PODXL: variants seen among roughly 807,000 people sequenced by gnomAD.
PODXL encodes the protein podocalyxin like.
PODXL carries 20 observed loss-of-function variants against 48.9 expected under a neutral mutation model. The ratio of observed to expected loss-of-function variants is 0.41; its 90% CI spans 0.29 to 0.59. The LOEUF (loss-of-function observed/expected upper bound fraction) is 0.59, where lower values mean the gene tolerates loss of function less well. PODXL is among the 20% of genes least tolerant of loss of function. PODXL has a pLI of 0.31. For synonymous variants in PODXL, 295 were observed against 287.4 expected, an observed-to-expected ratio of 1.03 and a Z score of -0.27; for missense variants, 606 against 675.1, an observed-to-expected ratio of 0.90 and a Z score of 1.13.
At chr7:131,515,378 G>C (rs1479941263) in intron 1 of PODXL, among the ~76,000 whole-genome samples, 1 of 152,066 alleles carries the variant, frequency 6.6e-6, no homozygotes, top group Non-Finnish European at 1.5e-5. Context: ...AAGCTCACCA[G>C]GTCTCTTATG....
chr7:131,530,253 C>T (rs1254229439), intron 1 of PODXL, among the ~76,000 whole-genome samples: 1 of 150,922 alleles, frequency 6.6e-6, no homozygotes, highest in Non-Finnish European at 1.5e-5. Context: ...GACAGCGAGG[C>T]AGGGTGGCAT....
intron 1 of PODXL, among the ~76,000 whole-genome samples, chr7:131,519,543 T>A (rs1347836490): frequency 6.6e-6 from 1 of 151,784 alleles, no homozygotes; most frequent in Non-Finnish European, 1.5e-5. Flanking sequence ...TCAAAAATTG[T>A]TTTTTTTAAA....
rs1176361542 is a variant in PODXL at position 131,504,325 on chromosome 7, C to A, written c.1663G>T (p.Asp555Tyr). 1 of 1,614,142 alleles carries A rather than the reference C, an allele frequency of 6.2e-7. No homozygotes were observed. Among genetic ancestry groups the A allele is most frequent in the South Asian group, 1.1e-5 (1 of 91,080 alleles). Residue 555 changes from aspartate to tyrosine, a missense_variant, in exon 9 of 9, where the codon GAC becomes TAC. Coordinates refer to ENST00000378555, the MANE Select transcript of PODXL (RefSeq NM_001018111.3). ...LTKDDLDEEE[D>Y]THL Reference sequence around the variant, plus strand: ...GGCAGACCGGACTAGAGGTGTGTGTCTTCCTCCTCATCCAGGTCGTCCTTG... The same window carrying A: ...GGCAGACCGGACTAGAGGTGTGTGTATTCCTCCTCATCCAGGTCGTCCTTG...
chr7:131,504,603 C>T (rs1229638917), intron 8 of PODXL, 95 bp from the exon 9 acceptor site: 5 of 1,041,932 alleles, frequency 4.8e-6, no homozygotes, highest in Non-Finnish European at 7.3e-6. Flanking sequence ...AGGAGCCCCA[C>T]TGTAGCTAAA....
chr7:131,505,857 C>G lies in PODXL; in HGVS notation c.1479+11G>C, dbSNP rs1797788699. The G allele has an allele frequency of 6.4e-7, 1 of 1,552,082 alleles. No homozygotes were observed. The highest frequency in any genetic ancestry group is 1.2e-5 in the South Asian group (1 of 84,060). On this transcript the variant is annotated intron_variant, in intron 8 of 8. Transcript: ENST00000378555. ...GCTGCTTCCCCTGTGTGGCTGCAAA[C>G]AGCTGCTTACCTGGTCCTTCCTCTG...
Position 131,552,448 on chromosome 7 carries a change from G to A in PODXL, c.100+3812C>T, listed in dbSNP as rs528941114. Among the ~76,000 whole-genome samples the A allele has an allele frequency of 7.8e-4, 119 of 152,290 alleles. 1 individual carries two copies. Among genetic ancestry groups the A allele is most frequent in the African/African-American group, 2.7e-3 (113 of 41,564 alleles). On this transcript the variant is annotated intron_variant, in intron 1 of 8. Transcript: ENST00000378555. ...CCTTCCCCTCTCAGCTTTCCACAGG[G>A]CAGTGGTGTTAAAACCCCAGGCAGC...
intron 1 of PODXL, among the ~76,000 whole-genome samples, chr7:131,535,107 G>T (rs904587396): frequency 6.6e-6 from 1 of 152,126 alleles, no homozygotes; most frequent in Admixed American, 6.6e-5. Context: ...GAGGGCCAGG[G>T]TATCTCCTTA....
intron 1 of PODXL, among the ~76,000 whole-genome samples, chr7:131,523,042 C>T (rs1798114052): frequency 6.6e-6 from 1 of 152,132 alleles, no homozygotes; most frequent in Admixed American, 6.5e-5. Flanking sequence ...TGGGTACATA[C>T]CTAGGATTGG....
chr7:131,523,473 G>A (rs1798121143), intron 1 of PODXL, among the ~76,000 whole-genome samples: 1 of 151,906 alleles, frequency 6.6e-6, no homozygotes, highest in Non-Finnish European at 1.5e-5. Flanking sequence ...ACGAGGTCAG[G>A]AGATCGAGAC....
chr7:131,540,628 C>A (rs1227353183), intron 1 of PODXL, among the ~76,000 whole-genome samples: 1 of 152,192 alleles, frequency 6.6e-6, no homozygotes, highest in Non-Finnish European at 1.5e-5. Flanking sequence ...TGGCACACAA[C>A]TCTTCCCCTA....
intron 1 of PODXL, among the ~76,000 whole-genome samples, chr7:131,515,471 G>A (rs1433698660): frequency 6.6e-6 from 1 of 151,862 alleles, no homozygotes; most frequent in Non-Finnish European, 1.5e-5. Flanking sequence ...GTGCGATCTC[G>A]GCTCACTGCA....
intron 1 of PODXL, among the ~76,000 whole-genome samples, chr7:131,515,561 C>T (rs922242405): frequency 6.6e-6 from 1 of 152,074 alleles, no homozygotes; most frequent in South Asian, 2.1e-4. Flanking sequence ...GCCACCATGC[C>T]CAACTAATTT....
intron 1 of PODXL, among the ~76,000 whole-genome samples, chr7:131,517,748 CTT>C (rs71529710): frequency 1.1e-4 from 16 of 146,814 alleles, no homozygotes; most frequent in African/African-American, 1.5e-4. Flanking sequence ...TTGCGTAACT[CTT>C]TTTTTTTTTT....
At position 131,524,364 on chromosome 7, in the gene PODXL, A is replaced by G. The variant is rs1798139813; in HGVS notation, c.101-12931T>C. Among the ~76,000 whole-genome samples, 2 of 91,904 alleles carry G rather than the reference A, an allele frequency of 2.2e-5. 1 individual carries two copies. The highest frequency in any genetic ancestry group is 8.3e-4 in the South Asian group (2 of 2,404). The allele number at this position is 91,904 out of a possible 152,430, so 60.3% of individuals were successfully genotyped here. A position where few individuals can be genotyped will look rare whatever the true frequency, so the allele number is the denominator to read the frequency against. ...CAATAGGAAACACACACACACACGC[A>G]CACACACACACACACAGAGAGAGAG... is the stretch of plus-strand genomic sequence containing the variant. On this transcript the variant is annotated intron_variant, in intron 1 of 8. Coordinates refer to ENST00000378555, the MANE Select transcript of PODXL (RefSeq NM_001018111.3).
At chr7:131,554,439 C>T (rs1209153636) in intron 1 of PODXL, among the ~76,000 whole-genome samples, 5 of 152,248 alleles carry the variant, frequency 3.3e-5, no homozygotes, top group Non-Finnish European at 7.3e-5. Context: ...CTGGTTAGAG[C>T]AGGCACTGGG....
chr7:131,547,340 T>G (rs1406736812), intron 1 of PODXL, among the ~76,000 whole-genome samples: 2 of 115,578 alleles, frequency 1.7e-5, no homozygotes, highest in Non-Finnish European at 3.2e-5. Flanking sequence ...GCCATTGCAC[T>G]CCAGCCTGGA....
intron 1 of PODXL, among the ~76,000 whole-genome samples, chr7:131,521,645 T>C (rs1053305878): frequency 6.6e-6 from 1 of 152,170 alleles, no homozygotes; most frequent in Admixed American, 6.5e-5. Flanking sequence ...TTAAAGACAA[T>C]TTTCAAATGA....
intron 5 of PODXL, among the ~76,000 whole-genome samples, chr7:131,507,883 G>A (rs1797836155): frequency 6.6e-6 from 1 of 152,156 alleles, no homozygotes; most frequent in Middle Eastern, 3.2e-3. Flanking sequence ...CTTGGAAAAT[G>A]CCGGCATAAT....
At chr7:131,540,590 A>T (rs1798460335) in intron 1 of PODXL, among the ~76,000 whole-genome samples, 2 of 151,768 alleles carry the variant, frequency 1.3e-5, no homozygotes, top group Admixed American at 1.3e-4. Context: ...GCACACACAC[A>T]CTTCCAGAGC....
Sources: gnomAD v4.1 joint callset for allele counts (sites outside exome capture counted in the v4.1 genomes callset) on GRCh38, gnomAD v4.1.1 for gene constraint, MANE v1.5 for transcripts, NCBI Gene and HGNC (gene_info 2026-07-23, HGNC 2026-07-21) for gene names.